CTNNA3: variants seen among roughly 807,000 people sequenced by gnomAD.
The protein encoded by CTNNA3 is catenin alpha-3.
Under a neutral mutation model 95.7 loss-of-function variants are expected in CTNNA3, and 76 were observed. That is an observed-to-expected ratio of 0.79 (90% CI 0.66 to 0.96). The LOEUF is 0.96. Ranked by LOEUF, CTNNA3 falls within the 40% of genes least tolerant of loss-of-function variation. The pLI is 0.00. For missense variants in CTNNA3, 1,191 were observed against 1,089.8 expected (o/e 1.09, Z -1.31); for synonymous variants, 431 against 374.4 (o/e 1.15, Z -1.74).
At chr10:66,926,487 C>T (rs1173600112) in intron 7 of CTNNA3, 1 of 1,408,842 alleles carries the variant, frequency 7.1e-7, no homozygotes, top group Middle Eastern at 1.8e-4. Context: ...TGTCAGCGAG[C>T]CCTGACTCAC....
At chr10:65,951,947 A>G (rs981133636) in intron 17 of CTNNA3, among the ~76,000 whole-genome samples, 67 of 150,386 alleles carry the variant, frequency 4.5e-4, no homozygotes, top group African/African-American at 1.4e-3. Flanking sequence ...GGAGAATGGC[A>G]TGAACCCGGG....
chr10:67,080,992 T>C (rs1857034898), intron 7 of CTNNA3, among the ~76,000 whole-genome samples: 2 of 151,646 alleles, frequency 1.3e-5, no homozygotes, highest in South Asian at 4.2e-4. Context: ...AAACAATAAA[T>C]CAGCATCCTA....
At chr10:66,198,473 T>C (rs534409243) in intron 13 of CTNNA3, among the ~76,000 whole-genome samples, 2 of 152,212 alleles carry the variant, frequency 1.3e-5, no homozygotes, top group South Asian at 4.1e-4. Flanking sequence ...AATAAAAACA[T>C]AGATGAGTAT....
intron 9 of CTNNA3, among the ~76,000 whole-genome samples, chr10:66,721,343 AAAC>A (rs1275062869): frequency 6.6e-6 from 1 of 152,190 alleles, no homozygotes; most frequent in Non-Finnish European, 1.5e-5. Flanking sequence ...ACATATAAGA[AAAC>A]AACTGAATGT....
At chr10:67,249,418 T>C (rs1866022262) in intron 5 of CTNNA3, among the ~76,000 whole-genome samples, 1 of 152,224 alleles carries the variant, frequency 6.6e-6, no homozygotes, top group African/African-American at 2.4e-5. Flanking sequence ...CATCACATCC[T>C]ATCATACGCT....
chr10:67,285,028 C>T (rs1839543087), intron 5 of CTNNA3, among the ~76,000 whole-genome samples: 2 of 152,064 alleles, frequency 1.3e-5, no homozygotes, highest in Admixed American at 1.3e-4. Flanking sequence ...CTTCATGTTC[C>T]TGGAATTTGT....
At chr10:67,601,657 T>C (rs1214903707) in intron 3 of CTNNA3, among the ~76,000 whole-genome samples, 1 of 152,184 alleles carries the variant, frequency 6.6e-6, no homozygotes, top group East Asian at 1.9e-4. Flanking sequence ...TATAAACAAC[T>C]CTTACCTAAT....
chr10:67,562,801 C>CAAAA (rs1325142656), intron 3 of CTNNA3, among the ~76,000 whole-genome samples: 3 of 152,106 alleles, frequency 2.0e-5, no homozygotes, highest in Non-Finnish European at 2.9e-5. Context: ...TCTCAGGATA[C>CAAAA]AAAATCAATG....
At chr10:67,189,321 G>T (rs1189993011) in intron 6 of CTNNA3, among the ~76,000 whole-genome samples, 2 of 151,946 alleles carry the variant, frequency 1.3e-5, no homozygotes, top group Non-Finnish European at 2.9e-5. Flanking sequence ...GGGGCTAGGG[G>T]GCAGGGACAG....
At chr10:67,086,854 T>G (rs904055486) in intron 7 of CTNNA3, among the ~76,000 whole-genome samples, 1 of 152,066 alleles carries the variant, frequency 6.6e-6, no homozygotes, top group Non-Finnish European at 1.5e-5. Flanking sequence ...ATTTTCATTC[T>G]GCCATACTTA....
chr10:66,429,318 A>T (rs2093273874), intron 11 of CTNNA3, among the ~76,000 whole-genome samples: 1 of 152,200 alleles, frequency 6.6e-6, no homozygotes, highest in Non-Finnish European at 1.5e-5. Flanking sequence ...GATTTCTACC[A>T]AAGATACAAA....
chr10:67,726,426 T>TGATATCATATATAATATTA (rs1554879490), intron 1 of CTNNA3, among the ~76,000 whole-genome samples: 5 of 29,518 alleles, frequency 1.7e-4, no homozygotes, highest in South Asian at 1.7e-3. Flanking sequence ...ATATTATATA[T>TGATATCATATATAATATTA]TATATCATAT....
intron 13 of CTNNA3, among the ~76,000 whole-genome samples, chr10:66,151,689 C>T (rs1040991617): frequency 3.3e-5 from 5 of 151,882 alleles, no homozygotes; most frequent in Non-Finnish European, 5.9e-5. Context: ...GAAACAAGAA[C>T]GACAAGCTCA....
intron 7 of CTNNA3, among the ~76,000 whole-genome samples, chr10:67,080,459 A>G (rs1856989667): frequency 6.6e-6 from 1 of 152,224 alleles, no homozygotes. Context: ...TTAGAATGTT[A>G]GGTCCCAGCA....
At chr10:66,799,083 G>C (rs1178333787) in intron 7 of CTNNA3, among the ~76,000 whole-genome samples, 1 of 151,698 alleles carries the variant, frequency 6.6e-6, no homozygotes, top group East Asian at 1.9e-4. Context: ...CCCAAGCTTT[G>C]ACAGAATCAA....
intron 17 of CTNNA3, among the ~76,000 whole-genome samples, chr10:65,932,278 T>C (rs1285336050): frequency 6.6e-6 from 1 of 152,198 alleles, no homozygotes; most frequent in Non-Finnish European, 1.5e-5. Flanking sequence ...ATATATCCTG[T>C]TTCATTGTCA....
intron 1 of CTNNA3, among the ~76,000 whole-genome samples, chr10:67,726,191 T>A (rs1564840913): frequency 9.3e-6 from 1 of 107,378 alleles, no homozygotes; most frequent in Non-Finnish European, 1.7e-5. Context: ...ATTATTATAA[T>A]ATATAATATA....
intron 7 of CTNNA3, among the ~76,000 whole-genome samples, chr10:67,049,345 A>C (rs548890395): frequency 1.2e-3 from 190 of 152,264 alleles, no homozygotes; most frequent in Non-Finnish European, 2.0e-3. Flanking sequence ...AAAAGCATTA[A>C]ATTTCAAATC....
intron 7 of CTNNA3, among the ~76,000 whole-genome samples, chr10:67,173,431 T>C (rs1904621): frequency 0.14 from 21,309 of 152,224 alleles, 1,995 homozygotes; most frequent in African/African-American, 0.27. Flanking sequence ...ACACTCCCCA[T>C]AGGACAGCTA....
Sources: gnomAD v4.1 joint callset for allele counts (sites outside exome capture counted in the v4.1 genomes callset) on GRCh38, gnomAD v4.1.1 for gene constraint, MANE v1.5 for transcripts, NCBI Gene and HGNC (gene_info 2026-07-23, HGNC 2026-07-21) for gene names.